Variants in SHISA6 observed in about 807,000 individuals in gnomAD.
SHISA6 encodes protein shisa-6.
A neutral mutation model predicts 47.9 loss-of-function variants in SHISA6; 22 were observed. That is an observed-to-expected ratio of 0.46 (90% CI 0.33 to 0.66). The LOEUF (loss-of-function observed/expected upper bound fraction) is 0.66, where lower values mean the gene tolerates loss of function less well. SHISA6 is among the 30% of genes least tolerant of loss of function. The pLI, the probability that SHISA6 is intolerant of heterozygous loss-of-function variation, is 0.02. For synonymous variants in SHISA6, 388 were observed against 337.8 expected (o/e 1.15, Z -1.63); for missense variants, 680 against 764.6 (o/e 0.89, Z 1.30).
chr17:11,419,649 C>A (rs1050503924), intron 3 of SHISA6, among the ~76,000 whole-genome samples: 1 of 152,094 alleles, frequency 6.6e-6, no homozygotes, highest in East Asian at 1.9e-4. Context: ...GCCAAACCAA[C>A]TGTAAAAATA....
chr17:11,360,774 G>T (rs1222226603), intron 2 of SHISA6, among the ~76,000 whole-genome samples: 1 of 148,310 alleles, frequency 6.7e-6, no homozygotes, highest in African/African-American at 2.5e-5. Flanking sequence ...TTCTGCCCAT[G>T]TATCCTAGAA....
chr17:11,315,424 TC>T (rs2142190865), intron 2 of SHISA6, among the ~76,000 whole-genome samples: 1 of 152,246 alleles, frequency 6.6e-6, no homozygotes. Context: ...TTATTTCTCT[TC>T]TTTTTTTTCT....
chr17:11,533,881 G>A (rs1023209779), intron 3 of SHISA6, among the ~76,000 whole-genome samples: 2 of 151,606 alleles, frequency 1.3e-5, no homozygotes, highest in Non-Finnish European at 2.9e-5. Context: ...GTGAGCCACC[G>A]CGCCCAGCCT....
intron 2 of SHISA6, among the ~76,000 whole-genome samples, chr17:11,291,730 GTTTC>G (rs1286007226): frequency 6.6e-6 from 1 of 152,026 alleles, no homozygotes; most frequent in Non-Finnish European, 1.5e-5. Context: ...GGCAGGGTGG[GTTTC>G]TTCTGAGGCC....
chr17:11,276,612 C>T (rs1001467492), intron 2 of SHISA6, among the ~76,000 whole-genome samples: 5 of 151,930 alleles, frequency 3.3e-5, no homozygotes, highest in Admixed American at 2.6e-4. Context: ...ACCACCACCA[C>T]CATCATCATC....
chr17:11,277,087 TA>T (rs1431694627), intron 2 of SHISA6, among the ~76,000 whole-genome samples: 3 of 152,080 alleles, frequency 2.0e-5, no homozygotes, highest in Non-Finnish European at 2.9e-5. Flanking sequence ...TTGAAATGAA[TA>T]GCTGAGAGGT....
chr17:11,319,671 T>C (rs912766426), intron 2 of SHISA6, among the ~76,000 whole-genome samples: 17 of 152,232 alleles, frequency 1.1e-4, no homozygotes, highest in African/African-American at 3.9e-4. Context: ...GATAACATAG[T>C]AGCTTTATGA....
chr17:11,392,730 A>G (rs941153571), intron 3 of SHISA6, among the ~76,000 whole-genome samples: 6 of 152,258 alleles, frequency 3.9e-5, no homozygotes, highest in Admixed American at 2.6e-4. Flanking sequence ...GACATGAGCT[A>G]TGCCCAGATT....
At chr17:11,483,436 C>T (rs891166290) in intron 3 of SHISA6, among the ~76,000 whole-genome samples, 14 of 152,052 alleles carry the variant, frequency 9.2e-5, no homozygotes, top group Non-Finnish European at 4.4e-5. Context: ...CACAGTGGTT[C>T]AAGAAATAAA....
chr17:11,366,729 G>T (rs775565245), intron 2 of SHISA6, among the ~76,000 whole-genome samples: 3 of 152,134 alleles, frequency 2.0e-5, no homozygotes, highest in Admixed American at 6.5e-5. Flanking sequence ...TGATGATAGG[G>T]AGGAGAAGAT....
At chr17:11,526,406 G>A (rs1017149446) in intron 3 of SHISA6, among the ~76,000 whole-genome samples, 1 of 152,194 alleles carries the variant, frequency 6.6e-6, no homozygotes, top group Non-Finnish European at 1.5e-5. Context: ...AGTTGTGCCT[G>A]CAGACTGTCC....
Position 11,383,751 on chromosome 17 carries a change from C to T in SHISA6, c.895+4242C>T, listed in dbSNP as rs145422582. On this transcript the variant is annotated intron_variant, in intron 3 of 5. Transcript: ENST00000441885. Reference sequence around the variant, plus strand: ...TTCTGCATGTCTCCCTTTCTTGGTTCCTTTCTTTGACCTCCTGTTCATTCA... The same window carrying T: ...TTCTGCATGTCTCCCTTTCTTGGTTTCTTTCTTTGACCTCCTGTTCATTCA... Among the ~76,000 whole-genome samples the T allele has an allele frequency of 3.8e-3, 577 of 152,258 alleles. 3 individuals carry two copies. The highest frequency in any genetic ancestry group is 0.013 in the African/African-American group (543 of 41,558).
intron 3 of SHISA6, among the ~76,000 whole-genome samples, chr17:11,411,107 T>C (rs1320241430): frequency 3.3e-5 from 5 of 151,754 alleles, no homozygotes; most frequent in Non-Finnish European, 1.5e-5. Context: ...TAGCTGGGAC[T>C]ACAGGCGCCT....
intron 3 of SHISA6, among the ~76,000 whole-genome samples, chr17:11,441,531 T>G (rs1263730905): frequency 1.3e-5 from 2 of 152,332 alleles, no homozygotes; most frequent in East Asian, 3.9e-4. Context: ...ATTAAACATT[T>G]TAAGAGTCAC....
At chr17:11,486,221 C>T (rs1170797703) in intron 3 of SHISA6, among the ~76,000 whole-genome samples, 2 of 152,196 alleles carry the variant, frequency 1.3e-5, no homozygotes, top group Non-Finnish European at 2.9e-5. Flanking sequence ...GGAATTCTGT[C>T]CCTGAAAGAG....
At chr17:11,272,144 G>T (rs905516236) in intron 2 of SHISA6, among the ~76,000 whole-genome samples, 1 of 151,844 alleles carries the variant, frequency 6.6e-6, no homozygotes, top group Non-Finnish European at 1.5e-5. Flanking sequence ...TTCTTTTTTG[G>T]CTCTGCCATC....
At chr17:11,252,766 C>T (rs1907863159) in intron 1 of SHISA6, among the ~76,000 whole-genome samples, 1 of 152,192 alleles carries the variant, frequency 6.6e-6, no homozygotes, top group African/African-American at 2.4e-5. Context: ...TAATCCATCT[C>T]CCTGCAGCGA....
At chr17:11,325,572 A>C (rs1383028664) in intron 2 of SHISA6, among the ~76,000 whole-genome samples, 1 of 152,214 alleles carries the variant, frequency 6.6e-6, no homozygotes, top group Non-Finnish European at 1.5e-5. Context: ...ATAGGGGGAA[A>C]GAAACATTTC....
At chr17:11,302,245 C>G (rs1410357758) in intron 2 of SHISA6, among the ~76,000 whole-genome samples, 2 of 152,128 alleles carry the variant, frequency 1.3e-5, no homozygotes, top group Non-Finnish European at 2.9e-5. Flanking sequence ...TGAAAGAATT[C>G]AAATTTTGTC....
Sources: allele counts gnomAD v4.1 joint callset (sites outside exome capture counted in the v4.1 genomes callset), GRCh38; gene constraint gnomAD v4.1.1; transcripts MANE v1.5; gene names NCBI Gene and HGNC (gene_info 2026-07-23, HGNC 2026-07-21).